RYR2: variants seen among roughly 807,000 people sequenced by gnomAD.
RYR2 encodes ryanodine receptor 2.
Under a neutral mutation model 601.1 loss-of-function variants are expected in RYR2, and 227 were observed. The ratio of observed to expected loss-of-function variants is 0.38; its 90% CI spans 0.34 to 0.42. The LOEUF (loss-of-function observed/expected upper bound fraction) is 0.42. Ranked by LOEUF, RYR2 falls within the 10% of genes least tolerant of loss-of-function variation. The probability of loss-of-function intolerance (pLI) is 1.00; values close to 1 mark genes in which losing one functional copy is unlikely to be tolerated. For synonymous variants in RYR2, 2,223 were observed against 2,175.1 expected (o/e 1.02, Z -0.61); for missense variants, 4,646 against 6,156.5 (o/e 0.75, Z 8.21).
At chr1:237,227,734 G>A (rs538701823) in intron 1 of RYR2, among the ~76,000 whole-genome samples, 2 of 152,306 alleles carry the variant, frequency 1.3e-5, no homozygotes, top group South Asian at 4.1e-4. Context: ...GGCCTGCCCA[G>A]GGCGGGTTCT....
chr1:237,720,685 A>C (rs1400601777), intron 73 of RYR2, among the ~76,000 whole-genome samples: 1 of 152,208 alleles, frequency 6.6e-6, no homozygotes, highest in African/African-American at 2.4e-5. Context: ...GGGGATCCCC[A>C]GGGGACCCTA....
chr1:237,650,423 C>T (rs1003880297), intron 50 of RYR2, among the ~76,000 whole-genome samples: 3 of 152,034 alleles, frequency 2.0e-5, no homozygotes, highest in African/African-American at 7.2e-5. Flanking sequence ...GAATAGATCT[C>T]CCCTTTTGAC....
chr1:237,254,232 T>C (rs1012700751), intron 1 of RYR2, among the ~76,000 whole-genome samples: 3 of 152,228 alleles, frequency 2.0e-5, no homozygotes, highest in African/African-American at 7.2e-5. Context: ...CTTGAGAATT[T>C]GCCCTGTGTT....
chr1:237,065,647 A>G lies in RYR2; in HGVS notation c.48+23078A>G, dbSNP rs111787438. Among the ~76,000 whole-genome samples, 371 of 152,200 alleles carry G rather than the reference A, an allele frequency of 2.4e-3. 3 individuals carry two copies. The highest frequency in any genetic ancestry group is 8.6e-3 in the African/African-American group (359 of 41,518). On this transcript the variant is annotated intron_variant, in intron 1 of 104. Transcript: ENST00000366574. ...CCACCATCCCTAGCCCATGGGAGCC[A>G]CTGTTTTGTTCTCCATCTCTGTAAT... is the stretch of plus-strand genomic sequence containing the variant.
chr1:237,337,359 A>T (rs1042202901), intron 3 of RYR2, among the ~76,000 whole-genome samples: 6 of 152,224 alleles, frequency 3.9e-5, no homozygotes, highest in African/African-American at 1.2e-4. Context: ...ATTACTTTTT[A>T]AAAGTACATT....
chr1:237,760,985 A>C lies in RYR2; in HGVS notation c.11433A>C (p.Gln3811His), dbSNP rs1417706639. The part of the protein sequence containing the change: ...SVLDLNAFER[Q>H]NKAEGLGMVT... Reference sequence around the variant, plus strand: ...TTGACCTAAATGCATTTGAGCGACAAAACAAAGCTGAAGGTCTTGGGATGG... The same window carrying C: ...TTGACCTAAATGCATTTGAGCGACACAACAAAGCTGAAGGTCTTGGGATGG... The change falls in exon 84 of 105, where the codon CAA becomes CAC. Residue 3811 changes from glutamine (Q) to histidine (H), a missense_variant. Around this residue, in one of 17 missense-constraint regions of RYR2, gnomAD observed 1,497 missense variants for 1,842.6 expected, o/e 0.81. Transcript: ENST00000366574. 2 of 1,579,774 alleles carry C rather than the reference A, an allele frequency of 1.3e-6. No individual in the cohort carries two copies. The highest frequency in any genetic ancestry group is 3.6e-5 in the Admixed American group (2 of 55,460).
chr1:237,155,716 A>G (rs1172091360), intron 1 of RYR2, among the ~76,000 whole-genome samples: 5 of 152,152 alleles, frequency 3.3e-5, no homozygotes, highest in African/African-American at 1.2e-4. Flanking sequence ...ATATGCAGTT[A>G]TATATCTCAT....
intron 29 of RYR2, among the ~76,000 whole-genome samples, chr1:237,589,193 C>A (rs1674872646): frequency 2.6e-5 from 4 of 152,176 alleles, no homozygotes; most frequent in Admixed American, 2.0e-4. Flanking sequence ...ATTTTTCCCC[C>A]ATGCTTAGAT....
At chr1:237,643,253 C>T in intron 47 of RYR2, 74 bp from the exon 48 acceptor site, 2 of 1,563,168 alleles carry the variant, frequency 1.3e-6, no homozygotes, top group Non-Finnish European at 1.7e-6. Context: ...GATTCCAATA[C>T]TTCAGATTTC....
chr1:237,382,053 A>G (rs751498859), intron 8 of RYR2, among the ~76,000 whole-genome samples: 1 of 152,210 alleles, frequency 6.6e-6, no homozygotes, highest in Non-Finnish European at 1.5e-5. Context: ...AAACAAAATG[A>G]ATCTTACAAA....
chr1:237,561,044 A>G (rs2061840), intron 27 of RYR2, among the ~76,000 whole-genome samples: 9,406 of 152,258 alleles, frequency 0.062, 374 homozygotes, highest in Admixed American at 0.11. Context: ...AGGGCAAGAA[A>G]GTATGGAAAG....
chr1:237,594,886 GTTTTTTTT>G lies in RYR2; in HGVS notation c.4437-574_4437-567del, dbSNP rs776702428. Among the ~76,000 whole-genome samples the G allele has an allele frequency of 2.4e-3, 147 of 60,400 alleles. 3 individuals are homozygous for G. The highest frequency in any genetic ancestry group is 0.013 in the African/African-American group (133 of 10,472). 39.6% of individuals were successfully genotyped at this position (60,400 alleles called of 152,430 possible). On this transcript the variant is annotated intron_variant, in intron 33 of 104. Coordinates refer to ENST00000366574, the MANE Select transcript of RYR2 (RefSeq NM_001035.3). ...TGGCATTTGTGGTTAATATCACTGG[GTTTTTTTT>G]TTTTTTTTTTTTTTTTTTTTTTTTT...
At chr1:237,398,043 A>T (rs1193198151) in intron 10 of RYR2, among the ~76,000 whole-genome samples, 3 of 152,176 alleles carry the variant, frequency 2.0e-5, no homozygotes, top group Non-Finnish European at 4.4e-5. Context: ...TCTTGTTGTC[A>T]TGAAGAGTCT....
chr1:237,342,155 CT>C (rs11351962), intron 3 of RYR2, among the ~76,000 whole-genome samples: 89,693 of 147,650 alleles, frequency 0.61, 27,268 homozygotes, highest in Admixed American at 0.71. Context: ...AAATAACTTC[CT>C]TTTTTTTTTT....
chr1:237,102,875 T>C (rs79342279), intron 1 of RYR2, among the ~76,000 whole-genome samples: 5,209 of 152,222 alleles, frequency 0.034, 120 homozygotes, highest in East Asian at 0.096. Flanking sequence ...AATAATTTGA[T>C]AGAGAAAATT....
chr1:237,779,384 C>T (rs965646006), intron 88 of RYR2, among the ~76,000 whole-genome samples: 3 of 152,116 alleles, frequency 2.0e-5, no homozygotes, highest in Non-Finnish European at 4.4e-5. Flanking sequence ...CAAAAAGATA[C>T]ACAAACAGAA....
At chr1:237,812,754 C>A (rs1359610592) in intron 100 of RYR2, among the ~76,000 whole-genome samples, 1 of 152,134 alleles carries the variant, frequency 6.6e-6, no homozygotes, top group South Asian at 2.1e-4. Context: ...ACAAATAATT[C>A]ATGCACCTTG....
chr1:237,384,727 G>T (rs1166731810), intron 8 of RYR2, among the ~76,000 whole-genome samples: 1 of 152,120 alleles, frequency 6.6e-6, no homozygotes, highest in Non-Finnish European at 1.5e-5. Context: ...CACAGGCCAA[G>T]TGATCCTACT....
chr1:237,749,194 G>C (rs910546745), intron 80 of RYR2, among the ~76,000 whole-genome samples: 2 of 152,168 alleles, frequency 1.3e-5, no homozygotes, highest in Non-Finnish European at 2.9e-5. Context: ...TACAGGAGCA[G>C]ATTATGTACA....
Sources: gnomAD v4.1 joint callset for allele counts (sites outside exome capture counted in the v4.1 genomes callset) on GRCh38, gnomAD v4.1.1 for gene constraint, gnomAD v4.1.1 regional missense constraint, MANE v1.5 for transcripts, NCBI Gene and HGNC (gene_info 2026-07-23, HGNC 2026-07-21) for gene names.